TM4SF18: variants seen among roughly 807,000 people sequenced by gnomAD.
The protein encoded by TM4SF18 is transmembrane 4 L6 family member 18.
In TM4SF18, 22 loss-of-function variants were observed where a neutral mutation model predicts 23.8. The ratio of observed to expected loss-of-function variants is 0.92; its 90% confidence interval spans 0.66 to 1.32. The LOEUF (loss-of-function observed/expected upper bound fraction) is 1.32, where lower values mean the gene tolerates loss of function less well. TM4SF18 is among the 40% of genes most tolerant of loss of function. The pLI is 0.00. For synonymous variants in TM4SF18, 87 were observed against 87.9 expected (o/e 0.99, Z 0.06); for missense variants, 255 against 240.3 (o/e 1.06, Z -0.41).
At chr3:149,326,132 C>A (rs1730939123) in intron 3 of TM4SF18, among the ~76,000 whole-genome samples, 1 of 152,078 alleles carries the variant, frequency 6.6e-6, no homozygotes, top group Non-Finnish European at 1.5e-5. Flanking sequence ...TATTTTGTAA[C>A]TTTTAAATTT....
intron 3 of TM4SF18, 23 bp from the exon 4 acceptor site, chr3:149,325,045 G>A (rs898695062): frequency 1.2e-6 from 2 of 1,609,440 alleles, no homozygotes; most frequent in Non-Finnish European, 1.7e-6. Flanking sequence ...ATAGAAGCAG[G>A]TTAGTACCAT....
rs755113280 is a variant in TM4SF18, at chr3:149,333,242, C to G, written c.141G>C (p.Val47=). The G allele has an allele frequency of 1.2e-6, 2 of 1,613,140 alleles. No individual in the cohort carries two copies. The change falls in exon 2 of 6, where the codon GTG becomes GTC. Residue 47 remains valine (V), a synonymous_variant. Transcript: ENST00000296059. ...AGAAACAGATTCCTTCAAAATACCA[C>G]ACGTAGTTGGTGAGTTTATTGCTGG... is the stretch of plus-strand genomic sequence containing the variant. ...YASSNKLTNY[V]WYFEGICFSG...
Position 149,321,499 on chromosome 3 carries a change from G to A in TM4SF18, c.592-7C>T. 1 of 1,565,668 alleles carries A rather than the reference G, an allele frequency of 6.4e-7. No homozygotes were observed. Among genetic ancestry groups the A allele is most frequent in the South Asian group, 1.2e-5 (1 of 83,046 alleles). ...TTATTCAAATGATTCCAGGCTATAG[G>A]AAAAAAGGAAAAACAAAGTGATTAA... On this transcript the variant is annotated splice_polypyrimidine_tract_variant and splice_region_variant and intron_variant, in intron 5 of 5. Transcript: ENST00000296059.
At chr3:149,322,780 G>T (rs1330529350) in intron 4 of TM4SF18, among the ~76,000 whole-genome samples, 1 of 151,998 alleles carries the variant, frequency 6.6e-6, no homozygotes, top group East Asian at 1.9e-4. Flanking sequence ...GGCACTCTGA[G>T]AATTTCTTTA....
intron 5 of TM4SF18, among the ~76,000 whole-genome samples, 153 bp downstream of exon 5, chr3:149,322,103 A>G (rs1730819768): frequency 6.6e-6 from 1 of 152,230 alleles, no homozygotes; most frequent in African/African-American, 2.4e-5. Flanking sequence ...GGGATATCAG[A>G]AAAAATTGAG....
intron 3 of TM4SF18, among the ~76,000 whole-genome samples, chr3:149,325,538 A>C (rs938291310): frequency 1.3e-5 from 2 of 152,176 alleles, no homozygotes; most frequent in Non-Finnish European, 2.9e-5. Context: ...GGGTGTTTTC[A>C]TTTGAGTAGA....
At chr3:149,328,320 C>G (rs1731002919) in intron 3 of TM4SF18, among the ~76,000 whole-genome samples, 1 of 152,124 alleles carries the variant, frequency 6.6e-6, no homozygotes, top group Non-Finnish European at 1.5e-5. Flanking sequence ...GTACTCCCCT[C>G]AACCCCTTTT....
chr3:149,333,486 T>TTTTTTA, intron 1 of TM4SF18, 27 bp downstream of exon 1: 1 of 843,550 alleles, frequency 1.2e-6, no homozygotes, highest in Non-Finnish European at 1.7e-6. Flanking sequence ...CTCTCTCTTT[T>TTTTTTA]TTTTTTTTTT....
Position 149,322,346 on chromosome 3 carries a change from G to C in TM4SF18, c.501C>G (p.Thr167=). The C allele has an allele frequency of 1.2e-6, 2 of 1,613,800 alleles. No homozygotes were observed. The highest frequency in any genetic ancestry group is 1.7e-6 in the Non-Finnish European group (2 of 1,179,908). Residue 167 remains threonine (T), a synonymous_variant, in exon 5 of 6, where the codon ACC becomes ACG. Coordinates refer to ENST00000296059, the MANE Select transcript of TM4SF18 (RefSeq NM_138786.4). ...WNIILFSILI[T]LSGLQVIICL... is the part of the protein sequence containing the mutation. The stretch of plus-strand genomic sequence containing the variant: ...AGATGATCACTTGAAGCCCACTGAG[G>C]GTTATGAGAATGGAAAATAAAATGA...
chr3:149,327,534 G>A (rs924526656), intron 3 of TM4SF18, among the ~76,000 whole-genome samples: 3 of 151,814 alleles, frequency 2.0e-5, no homozygotes, highest in Non-Finnish European at 4.4e-5. Flanking sequence ...TACCAAGAAA[G>A]GTTATTTGGT....
Position 149,322,442 on chromosome 3 carries a change from A to G in TM4SF18, c.411-6T>C. On this transcript the variant is annotated splice_region_variant and splice_polypyrimidine_tract_variant and intron_variant, in intron 4 of 5. Transcript: ENST00000296059. ...TGCTAGAATCTGTAAGGAAACTGAG[A>G]GAGACCCATGGCCAAATCTACATAC... is the stretch of plus-strand genomic sequence containing the variant. 1 of 1,611,232 alleles carries G rather than the reference A, an allele frequency of 6.2e-7. No individual in the cohort carries two copies. The highest frequency in any genetic ancestry group is 8.5e-7 in the Non-Finnish European group (1 of 1,178,638).
chr3:149,326,564 T>C (rs547593188), intron 3 of TM4SF18, among the ~76,000 whole-genome samples: 14 of 152,360 alleles, frequency 9.2e-5, no homozygotes, highest in Non-Finnish European at 1.3e-4. Context: ...CTGATGATCC[T>C]CATATTCATT....
Position 149,333,357 on chromosome 3 carries a change from C to CA in TM4SF18, c.25dup (p.Cys9LeufsTer34), listed in dbSNP as rs776216614. On this transcript the variant is annotated frameshift_variant, in exon 2 of 6. Transcript: ENST00000296059. LOFTEE classifies it high-confidence loss of function. ...AAGCGGAATCAGCAAACAACTTAGG[C>CA]AGCCTCCACACTTCCGAGACCCCAT... 2 of 1,612,826 alleles carry CA rather than the reference C, an allele frequency of 1.2e-6. No homozygotes were observed. Among genetic ancestry groups the CA allele is most frequent in the African/African-American group, 2.7e-5 (2 of 74,884 alleles).
Position 149,324,880 on chromosome 3 carries a change from C to T in TM4SF18, c.410G>A (p.Arg137His), listed in dbSNP as rs747939117. 8.1e-6 allele frequency: 13 copies of T among 1,613,762 alleles called. No individual in the cohort carries two copies. Among genetic ancestry groups the T allele is most frequent in the Non-Finnish European group, 9.3e-6 (11 of 1,179,926 alleles). The change falls in exon 4 of 6, where the codon CGT becomes CAT. Residue 137 changes from arginine to histidine, a missense_variant and splice_region_variant. Arg to His is a conservative substitution (Grantham distance 29). Coordinates refer to ENST00000296059, the MANE Select transcript of TM4SF18 (RefSeq NM_138786.4). ...CTTGGTTTGGGGAATTATTCCTTAC[C>T]GTCCAGCAGTGCCTTCAAAAGCATA... is the stretch of plus-strand genomic sequence containing the variant. The part of the protein sequence containing the change: ...WEYAFEGTAG[R>H]FLTDSSIWIQ...
At position 149,322,284 on chromosome 3, in the gene TM4SF18, A is replaced by G. The variant is rs777502447; in HGVS notation, c.563T>C (p.Leu188Pro). The change falls in exon 5 of 6, where the codon CTG becomes CCG. Residue 188 changes from leucine to proline, a missense_variant. Coordinates refer to ENST00000296059, the MANE Select transcript of TM4SF18 (RefSeq NM_138786.4). ...GAAGATCACTGAATAGCTTCCACACAGTATCTTGGATAGTTGCATGACTAC... is the reference window on the plus strand; with the variant it reads ...GAAGATCACTGAATAGCTTCCACACGGTATCTTGGATAGTTGCATGACTAC... ...IRVVMQLSKI[L>P]CGSYSVIFQP... 3.1e-6 allele frequency: 5 copies of G among 1,613,660 alleles called. No homozygotes were observed. Among genetic ancestry groups the G allele is most frequent in the Non-Finnish European group, 3.4e-6 (4 of 1,179,866 alleles).
chr3:149,324,879 C>T lies in TM4SF18; in HGVS notation c.410+1G>A. ...CCTTGGTTTGGGGAATTATTCCTTA[C>T]CGTCCAGCAGTGCCTTCAAAAGCAT... is the stretch of plus-strand genomic sequence containing the variant. On this transcript the variant is annotated splice_donor_variant, in intron 4 of 5. Transcript: ENST00000296059. LOFTEE classifies it high-confidence loss of function. The T allele has an allele frequency of 1.9e-6, 3 of 1,614,000 alleles. No individual in the cohort carries two copies. The highest frequency in any genetic ancestry group is 2.5e-6 in the Non-Finnish European group (3 of 1,179,962).
rs1394012648 is a variant in TM4SF18, at chr3:149,319,272, A to C, written c.*2206T>G. On this transcript the variant is annotated 3_prime_UTR_variant, in exon 6 of 6. Coordinates refer to ENST00000296059, the MANE Select transcript of TM4SF18 (RefSeq NM_138786.4). ...AGACTTTGAGAGAATTTTTAACAAG[A>C]TGGTCCTAGATATGACTAGCTTATG... 1 of 152,224 alleles carries C rather than the reference A, an allele frequency of 6.6e-6. No homozygotes were observed. Among genetic ancestry groups the C allele is most frequent in the Non-Finnish European group, 1.5e-5 (1 of 68,058 alleles). The allele number at this position is 152,224 out of a possible 1,614,324, so 9.4% of individuals were successfully genotyped here. A position where few individuals can be genotyped will look rare whatever the true frequency, so the allele number is the denominator to read the frequency against.
chr3:149,324,811 G>C (rs1456370713), intron 4 of TM4SF18, 69 bp downstream of exon 4: 5 of 1,593,330 alleles, frequency 3.1e-6, no homozygotes, highest in Non-Finnish European at 4.3e-6. Context: ...GAAAATGAGC[G>C]TGAGCTTGAG....
At chr3:149,328,550 G>A (rs1395039775) in intron 3 of TM4SF18, among the ~76,000 whole-genome samples, 1 of 152,172 alleles carries the variant, frequency 6.6e-6, no homozygotes, top group Admixed American at 6.5e-5. Context: ...CCCACAATAT[G>A]TACTTTGTTT....
Sources: allele counts gnomAD v4.1 joint callset (sites outside exome capture counted in the v4.1 genomes callset), GRCh38; gene constraint gnomAD v4.1.1; transcripts MANE v1.5; gene names NCBI Gene and HGNC (gene_info 2026-07-23, HGNC 2026-07-21).